The following PSMA2 variants were observed in gnomAD, a reference collection of about 807,000 sequenced individuals.
PSMA2 encodes the protein proteasome 20S subunit alpha 2.
PSMA2 carries 2 observed loss-of-function variants against 35.9 expected under a neutral mutation model. The ratio of observed to expected loss-of-function variants is 0.06; its 90% CI spans 0.02 to 0.18. PSMA2 has a LOEUF of 0.18. PSMA2 is among the 10% of genes least tolerant of loss of function. The pLI is 1.00. For missense variants in PSMA2, 126 were observed against 278.8 expected (o/e 0.45, Z 3.90); for synonymous variants, 97 against 98.2 (o/e 0.99, Z 0.07).
At chr7:42,928,908 T>G (rs1033634112) in intron 1 of PSMA2, among the ~76,000 whole-genome samples, 1 of 152,162 alleles carries the variant, frequency 6.6e-6, no homozygotes, top group Non-Finnish European at 1.5e-5. Context: ...AAGATTAAGT[T>G]GAATACCTAT....
chr7:42,929,157 C>T (rs1786256888), intron 1 of PSMA2, among the ~76,000 whole-genome samples: 1 of 152,120 alleles, frequency 6.6e-6, no homozygotes, highest in South Asian at 2.1e-4. Context: ...CAGGAATCCA[C>T]AATCATTTGG....
At chr7:42,917,897 C>G (rs1417095243) in intron 6 of PSMA2, 62 bp from the exon 7 acceptor site, 9 of 1,173,718 alleles carry the variant, frequency 7.7e-6, no homozygotes, top group Non-Finnish European at 1.1e-5. Context: ...TATTTAAATA[C>G]AATGACAGCA....
chr7:42,922,055 G>A, intron 5 of PSMA2, 124 bp from the exon 6 acceptor site: 1 of 730,086 alleles, frequency 1.4e-6, no homozygotes, highest in East Asian at 2.7e-5. Context: ...AATATTATTA[G>A]AATGGAAAAC....
rs1217884863 is a variant in PSMA2, at chr7:42,926,397, G to C, written c.251+139C>G. On this transcript the variant is annotated intron_variant, in intron 3 of 7. Transcript: ENST00000223321. ...GCAAACTAAATTCAGCTCTCAACGA[G>C]GCTGCTATTGCTAAACAAAGCACAC... 8 of 980,780 alleles carry C rather than the reference G, an allele frequency of 8.2e-6. No homozygotes were observed. In the East Asian group the frequency reaches 1.9e-4, roughly 23 times the overall value. The allele number at this position is 980,780 out of a possible 1,614,324, so 60.8% of individuals were successfully genotyped here.
chr7:42,917,318 C>T lies in PSMA2; in HGVS notation c.*256G>A, dbSNP rs1386349347. On this transcript the variant is annotated 3_prime_UTR_variant, in exon 8 of 8. Transcript: ENST00000223321. ...CCTGACAACGAAAAAGTCATTTCAT[C>T]ATTCTGCTTGGCAATGTAGTCTTCA... 1 of 301,490 alleles carries T rather than the reference C, an allele frequency of 3.3e-6. No homozygotes were observed. The highest frequency in any genetic ancestry group is 6.2e-6 in the Non-Finnish European group (1 of 162,552). The allele number at this position is 301,490 out of a possible 1,614,324, so 18.7% of individuals were successfully genotyped here. A position where few individuals can be genotyped will look rare whatever the true frequency, so the allele number is the denominator to read the frequency against.
intron 1 of PSMA2, among the ~76,000 whole-genome samples, chr7:42,930,244 CACACAA>C (rs1267327279): frequency 2.1e-4 from 23 of 109,184 alleles, no homozygotes; most frequent in Admixed American, 1.5e-3. Context: ...CACACACACA[CACACAA>C]GTTTGGTTTT....
intron 1 of PSMA2, among the ~76,000 whole-genome samples, chr7:42,931,704 C>T (rs377209443): frequency 3.9e-5 from 6 of 152,280 alleles, no homozygotes; most frequent in African/African-American, 1.4e-4. Context: ...GAAAAGGGAA[C>T]CCCACATATT....
At chr7:42,923,719 A>C (rs1195942200) in intron 4 of PSMA2, among the ~76,000 whole-genome samples, 1 of 152,258 alleles carries the variant, frequency 6.6e-6, no homozygotes, top group African/African-American at 2.4e-5. Context: ...CAGCTTTTCC[A>C]CTAGGTTTAC....
intron 6 of PSMA2, chr7:42,919,357 C>T (rs930362296): frequency 6.9e-6 from 4 of 575,580 alleles, no homozygotes; most frequent in African/African-American, 1.9e-5. Context: ...ATTATCAAGA[C>T]TATGGATTTC....
intron 2 of PSMA2, 83 bp downstream of exon 2, chr7:42,927,299 CT>C: frequency 8.3e-7 from 1 of 1,209,932 alleles, no homozygotes; most frequent in Non-Finnish European, 1.2e-6. Context: ...TGCTGCAGCT[CT>C]GTATAAATTA....
At chr7:42,917,889 T>G (rs1786058575) in intron 6 of PSMA2, 54 bp from the exon 7 acceptor site, 1 of 1,240,984 alleles carries the variant, frequency 8.1e-7, no homozygotes, top group Admixed American at 2.1e-5. Context: ...TTTATAACTA[T>G]TTAAATACAA....
chr7:42,931,213 C>T (rs1466896541), intron 1 of PSMA2: 13 of 437,738 alleles, frequency 3.0e-5, no homozygotes, highest in Non-Finnish European at 5.9e-5. Context: ...GGTTAAGTTG[C>T]ACCTAACAAA....
At chr7:42,922,096 T>C (rs1786136567) in intron 5 of PSMA2, among the ~76,000 whole-genome samples, 165 bp from the exon 6 acceptor site, 1 of 152,146 alleles carries the variant, frequency 6.6e-6, no homozygotes, top group Non-Finnish European at 1.5e-5. Flanking sequence ...TTAAGAAGGC[T>C]AGAAGGATGG....
At chr7:42,918,061 T>G in intron 6 of PSMA2, 1 of 307,680 alleles carries the variant, frequency 3.3e-6, no homozygotes, top group South Asian at 1.1e-4. Context: ...AAAATGAGTT[T>G]AGTTTAGGAA....
chr7:42,921,667 T>C (rs1328877539), intron 6 of PSMA2, 191 bp downstream of exon 6: 2 of 395,230 alleles, frequency 5.1e-6, no homozygotes, highest in African/African-American at 4.1e-5. Flanking sequence ...GAAATGAATA[T>C]TAATTACCAC....
At chr7:42,926,842 C>T (rs1018489763) in intron 2 of PSMA2, among the ~76,000 whole-genome samples, 174 bp from the exon 3 acceptor site, 1 of 152,182 alleles carries the variant, frequency 6.6e-6, no homozygotes, top group Admixed American at 6.5e-5. Context: ...CAGTTTTTCC[C>T]TCACTGGTCA....
chr7:42,929,017 G>A (rs891140533), intron 1 of PSMA2, among the ~76,000 whole-genome samples: 3 of 151,562 alleles, frequency 2.0e-5, no homozygotes, highest in African/African-American at 7.3e-5. Flanking sequence ...TTGCTATGCT[G>A]CCCAGGCTGG....
intron 3 of PSMA2, among the ~76,000 whole-genome samples, chr7:42,925,181 G>T (rs1786189352): frequency 6.6e-6 from 1 of 152,218 alleles, no homozygotes; most frequent in East Asian, 1.9e-4. Context: ...CTCACTTCAG[G>T]TCACTACTTT....
At chr7:42,919,403 G>C (rs1048824214) in intron 6 of PSMA2, 56 of 561,804 alleles carry the variant, frequency 1.0e-4, no homozygotes, top group South Asian at 4.1e-4. Flanking sequence ...CCAGGGGACA[G>C]AATAAACTGT....
Sources: allele counts gnomAD v4.1 joint callset (sites outside exome capture counted in the v4.1 genomes callset), GRCh38; gene constraint gnomAD v4.1.1; transcripts MANE v1.5; gene names NCBI Gene and HGNC (gene_info 2026-07-23, HGNC 2026-07-21).